The following OPCML variants were observed in gnomAD, a reference collection of about 807,000 sequenced individuals.
OPCML encodes opioid-binding protein/cell adhesion molecule.
Under a neutral mutation model 37.8 loss-of-function variants are expected in OPCML, and 13 were observed. That is an observed-to-expected ratio of 0.34 (90% confidence interval 0.22 to 0.55). The LOEUF is 0.55. Ranked by LOEUF, OPCML falls within the 20% of genes least tolerant of loss-of-function variation. The pLI is 0.91. For missense variants in OPCML, 341 were observed against 435.6 expected, an observed-to-expected ratio of 0.78 and a Z score of 1.93; for synonymous variants, 176 against 168.8, an observed-to-expected ratio of 1.04 and a Z score of -0.33.
chr11:132,983,132 C>T (rs574095257), intron 1 of OPCML, among the ~76,000 whole-genome samples: 3 of 152,348 alleles, frequency 2.0e-5, no homozygotes, highest in South Asian at 2.1e-4. Flanking sequence ...CCCCCTCCAG[C>T]TTGCAAGGTT....
At chr11:132,995,426 A>G (rs1198542792) in intron 1 of OPCML, among the ~76,000 whole-genome samples, 1 of 151,982 alleles carries the variant, frequency 6.6e-6, no homozygotes, top group Non-Finnish European at 1.5e-5. Context: ...AATGCTAAAA[A>G]GAAGCTAAAA....
chr11:132,649,583 G>C (rs1478848299), intron 3 of OPCML, among the ~76,000 whole-genome samples: 1 of 152,040 alleles, frequency 6.6e-6, no homozygotes, highest in Admixed American at 6.6e-5. Flanking sequence ...GTTATAGAGG[G>C]TATTCTGGAC....
chr11:132,574,257 T>G (rs868217043), intron 3 of OPCML, among the ~76,000 whole-genome samples: 1 of 147,826 alleles, frequency 6.8e-6, no homozygotes, highest in African/African-American at 2.5e-5. Flanking sequence ...TTTTTTTTTT[T>G]GGTTTTTTTG....
chr11:132,932,528 C>T (rs529790138), intron 2 of OPCML, among the ~76,000 whole-genome samples: 1 of 151,936 alleles, frequency 6.6e-6, no homozygotes, highest in Non-Finnish European at 1.5e-5. Flanking sequence ...ATTTTGTGGG[C>T]TCTATGTTCT....
intron 1 of OPCML, among the ~76,000 whole-genome samples, chr11:133,059,850 T>C (rs1948307838): frequency 6.6e-6 from 1 of 152,236 alleles, no homozygotes; most frequent in Admixed American, 6.5e-5. Context: ...ATGAAATTAG[T>C]CAGTTGTTTC....
At chr11:133,289,272 T>A (rs1942391403) in intron 1 of OPCML, among the ~76,000 whole-genome samples, 1 of 152,188 alleles carries the variant, frequency 6.6e-6, no homozygotes, top group South Asian at 2.1e-4. Flanking sequence ...TCCTTCATGT[T>A]TTGATAGCAA....
At chr11:132,688,002 G>T (rs1943238270) in intron 2 of OPCML, among the ~76,000 whole-genome samples, 1 of 152,090 alleles carries the variant, frequency 6.6e-6, no homozygotes, top group South Asian at 2.1e-4. Flanking sequence ...TTCACACAAA[G>T]GCACTTAATC....
intron 1 of OPCML, among the ~76,000 whole-genome samples, chr11:133,314,744 G>A (rs187657292): frequency 1.3e-5 from 2 of 152,118 alleles, no homozygotes; most frequent in African/African-American, 2.4e-5. Context: ...TGGCCAGGAC[G>A]CTAAGGCTCC....
At chr11:132,604,035 C>T (rs753954340) in intron 3 of OPCML, among the ~76,000 whole-genome samples, 33 of 152,156 alleles carry the variant, frequency 2.2e-4, no homozygotes, top group Non-Finnish European at 3.4e-4. Flanking sequence ...TTATCTCCCT[C>T]GCCATTTCAT....
chr11:132,824,720 C>T (rs1408934359), intron 2 of OPCML, among the ~76,000 whole-genome samples: 1 of 152,144 alleles, frequency 6.6e-6, no homozygotes, highest in Non-Finnish European at 1.5e-5. Flanking sequence ...AGAGTATTCA[C>T]CTTCAAAAAC....
At chr11:133,096,397 A>AAT (rs1207530180) in intron 1 of OPCML, among the ~76,000 whole-genome samples, 1 of 152,046 alleles carries the variant, frequency 6.6e-6, no homozygotes, top group Non-Finnish European at 1.5e-5. Flanking sequence ...AGGTGGTAGG[A>AAT]GAGAAAATGA....
At chr11:133,157,458 G>C (rs1413733256) in intron 1 of OPCML, among the ~76,000 whole-genome samples, 5 of 152,090 alleles carry the variant, frequency 3.3e-5, no homozygotes, top group Admixed American at 2.6e-4. Flanking sequence ...CCCATTTTGG[G>C]CTCTCTCTTC....
At chr11:132,781,535 A>G (rs1947013277) in intron 2 of OPCML, among the ~76,000 whole-genome samples, 1 of 151,568 alleles carries the variant, frequency 6.6e-6, no homozygotes, top group Non-Finnish European at 1.5e-5. Context: ...TGACTGTGTG[A>G]ACCAATTCCT....
At position 132,675,943 on chromosome 11, in the gene OPCML, A is replaced by G. The variant is rs141721614; in HGVS notation, c.147-18624T>C. Among the ~76,000 whole-genome samples, 435 of 152,302 alleles carry G rather than the reference A, an allele frequency of 2.9e-3. 1 individual carries two copies. The highest frequency in any genetic ancestry group is 9.9e-3 in the African/African-American group (412 of 41,584). On this transcript the variant is annotated intron_variant, in intron 2 of 7. Transcript: ENST00000524381. ...CTTGGCAGGAATTGACCAGCTGATT[A>G]TAAAATTTACATAGAAATCCAAGGG...
chr11:132,787,648 C>A (rs1947261591), intron 2 of OPCML, among the ~76,000 whole-genome samples: 1 of 152,126 alleles, frequency 6.6e-6, no homozygotes, highest in Non-Finnish European at 1.5e-5. Flanking sequence ...CCATTTAGAG[C>A]TGACCAGAGA....
intron 4 of OPCML, among the ~76,000 whole-genome samples, chr11:132,483,553 T>C (rs2096188419): frequency 6.6e-6 from 1 of 152,078 alleles, no homozygotes; most frequent in Non-Finnish European, 1.5e-5. Flanking sequence ...CTTCACAGAA[T>C]TGGAAAAAAC....
chr11:132,671,618 G>A (rs1942479661), intron 2 of OPCML, among the ~76,000 whole-genome samples: 1 of 152,156 alleles, frequency 6.6e-6, no homozygotes, highest in African/African-American at 2.4e-5. Context: ...TTACTCATAT[G>A]TATGAAACAG....
At chr11:133,435,320 C>T (rs1391957615) in intron 1 of OPCML, among the ~76,000 whole-genome samples, 1 of 152,134 alleles carries the variant, frequency 6.6e-6, no homozygotes, top group African/African-American at 2.4e-5. Context: ...GCTTAACTTT[C>T]TCCCTGACTT....
chr11:133,306,594 T>C (rs1417011174), intron 1 of OPCML, among the ~76,000 whole-genome samples: 1 of 86,298 alleles, frequency 1.2e-5, no homozygotes, highest in African/African-American at 6.9e-5. Flanking sequence ...TGTACTGTGA[T>C]AACAATGACA....
Sources: allele counts gnomAD v4.1 joint callset (sites outside exome capture counted in the v4.1 genomes callset), GRCh38; gene constraint gnomAD v4.1.1; transcripts MANE v1.5; gene names NCBI Gene and HGNC (gene_info 2026-07-23, HGNC 2026-07-21).